The following MBD5 variants were observed in gnomAD, a reference collection of about 807,000 sequenced individuals.
MBD5 encodes methyl-CpG-binding domain protein 5.
In MBD5, 13 loss-of-function variants were observed where a neutral mutation model predicts 117.3. The observed-to-expected ratio is 0.11, with a 90% confidence interval of 0.07 to 0.18. MBD5 has a LOEUF of 0.18. Among genes scored for constraint, MBD5 ranks in the 10% least tolerant of loss-of-function variants. The probability of loss-of-function intolerance (pLI) is 1.00; values close to 1 mark genes in which losing one functional copy is unlikely to be tolerated. For synonymous variants in MBD5, 727 were observed against 766.4 expected (o/e 0.95, Z 0.85); for missense variants, 1,879 against 2,093.8 (o/e 0.90, Z 2.00).
intron 2 of MBD5, among the ~76,000 whole-genome samples, chr2:148,228,358 A>G (rs1034079997): frequency 6.6e-6 from 1 of 152,134 alleles, no homozygotes. Context: ...TTCTGCATCT[A>G]TTGAGATAAT....
intron 2 of MBD5, among the ~76,000 whole-genome samples, chr2:148,210,441 T>C (rs1246713722): frequency 6.6e-6 from 1 of 152,128 alleles, no homozygotes; most frequent in Non-Finnish European, 1.5e-5. Context: ...CATATTTTGC[T>C]AAATTACACA....
intron 11 of MBD5, among the ~76,000 whole-genome samples, chr2:148,496,154 C>G (rs1367248490): frequency 1.3e-5 from 2 of 152,128 alleles, no homozygotes. Flanking sequence ...TTCTCTCTAC[C>G]ATAGCATCCA....
chr2:148,478,590 G>A (rs751558876), intron 8 of MBD5, among the ~76,000 whole-genome samples: 1 of 152,004 alleles, frequency 6.6e-6, no homozygotes, highest in Non-Finnish European at 1.5e-5. Flanking sequence ...GTCCTACTGG[G>A]CAAGCTACCA....
chr2:148,400,090 A>T (rs539938492), intron 4 of MBD5, among the ~76,000 whole-genome samples: 2 of 152,208 alleles, frequency 1.3e-5, no homozygotes, highest in Non-Finnish European at 2.9e-5. Context: ...GTCGATGTTC[A>T]TCAGGGATAT....
At chr2:148,312,811 G>T (rs1702064842) in intron 3 of MBD5, among the ~76,000 whole-genome samples, 1 of 152,060 alleles carries the variant, frequency 6.6e-6, no homozygotes, top group Admixed American at 6.5e-5. Context: ...CTTTGATGTT[G>T]GTGACCTTCA....
chr2:148,391,283 G>T lies in MBD5; in HGVS notation c.-557+48947G>T, dbSNP rs200486466. Reference sequence around the variant, plus strand: ...ACAGTGTTAAAGAACAGTATTTACTGGGAAAATATACAGCTAAATATAGTT... The same window carrying T: ...ACAGTGTTAAAGAACAGTATTTACTTGGAAAATATACAGCTAAATATAGTT... On this transcript the variant is annotated intron_variant, in intron 4 of 13. Coordinates refer to ENST00000642680, the MANE Select transcript of MBD5 (RefSeq NM_001378120.1). Among the ~76,000 whole-genome samples the T allele has an allele frequency of 1.1e-4, 4 of 36,278 alleles. No homozygotes were observed. The South Asian group carries it at 5.2e-3, about 47-fold the overall frequency. The allele number at this position is 36,278 out of a possible 152,430, so 23.8% of individuals were successfully genotyped here.
intron 2 of MBD5, among the ~76,000 whole-genome samples, chr2:148,195,862 A>G (rs1047728870): frequency 6.6e-6 from 1 of 152,352 alleles, no homozygotes; most frequent in African/African-American, 2.4e-5. Flanking sequence ...AAACCACAAC[A>G]TAAAATGTAA....
intron 1 of MBD5, among the ~76,000 whole-genome samples, chr2:148,172,945 C>T (rs765955160): frequency 8.5e-5 from 13 of 152,112 alleles, no homozygotes; most frequent in Admixed American, 5.9e-4. Flanking sequence ...GACCTGCCTG[C>T]GGAAAAGAGC....
intron 2 of MBD5, among the ~76,000 whole-genome samples, chr2:148,227,855 T>C (rs1201410983): frequency 1.3e-5 from 2 of 152,202 alleles, no homozygotes; most frequent in Non-Finnish European, 2.9e-5. Flanking sequence ...GATTCCTAGG[T>C]ATTTTATTCT....
chr2:148,042,655 A>T (rs918094505), intron 1 of MBD5, among the ~76,000 whole-genome samples: 2 of 152,188 alleles, frequency 1.3e-5, no homozygotes, highest in African/African-American at 4.8e-5. Context: ...GACCAAAAAA[A>T]CTACAAATAA....
At chr2:148,157,300 C>G (rs1426692534) in intron 1 of MBD5, among the ~76,000 whole-genome samples, 5 of 151,824 alleles carry the variant, frequency 3.3e-5, no homozygotes, top group African/African-American at 1.2e-4. Context: ...CCCCCACCCC[C>G]AAACAGGCCC....
intron 1 of MBD5, among the ~76,000 whole-genome samples, chr2:148,057,949 T>G (rs1431392814): frequency 6.6e-6 from 1 of 152,034 alleles, no homozygotes; most frequent in Non-Finnish European, 1.5e-5. Flanking sequence ...TGGTTCAAGT[T>G]TATTGATTTT....
intron 3 of MBD5, among the ~76,000 whole-genome samples, chr2:148,322,245 C>G (rs140049118): frequency 6.6e-4 from 100 of 152,300 alleles, no homozygotes; most frequent in African/African-American, 2.1e-3. Flanking sequence ...TGTAAATTGG[C>G]TTATACAACT....
chr2:148,422,630 C>G (rs185724819), intron 4 of MBD5, among the ~76,000 whole-genome samples: 1 of 152,228 alleles, frequency 6.6e-6, no homozygotes, highest in Non-Finnish European at 1.5e-5. Flanking sequence ...TAATAACAAA[C>G]CCCTCTGAGC....
At chr2:148,294,343 G>A (rs1488759234) in intron 3 of MBD5, among the ~76,000 whole-genome samples, 4 of 149,762 alleles carry the variant, frequency 2.7e-5, no homozygotes, top group African/African-American at 9.9e-5. Flanking sequence ...TCCTGCCTCA[G>A]CCTCCCGAGT....
intron 4 of MBD5, among the ~76,000 whole-genome samples, chr2:148,377,553 A>G (rs1474486962): frequency 3.9e-5 from 6 of 152,354 alleles, no homozygotes; most frequent in African/African-American, 9.6e-5. Context: ...GATGCCTTGT[A>G]TAACTATTAC....
rs373581742 is a variant in MBD5, at chr2:148,277,758, ACT to A, written c.-680+44366_-680+44367del. ...GTCCTCTTTCTTCTTTCTTATATTT[ACT>A]CTTATTTCTTTTCTCACTTATTTGA... is the stretch of plus-strand genomic sequence containing the variant. On this transcript the variant is annotated intron_variant, in intron 3 of 13. Transcript: ENST00000642680. Among the ~76,000 whole-genome samples the A allele has an allele frequency of 4.5e-3, 682 of 151,400 alleles. 9 individuals carry two copies. Among genetic ancestry groups the A allele is most frequent in the African/African-American group, 0.016 (657 of 41,240 alleles).
At chr2:148,445,313 T>A (rs1188195469) in intron 4 of MBD5, among the ~76,000 whole-genome samples, 2 of 147,572 alleles carry the variant, frequency 1.4e-5, no homozygotes, top group East Asian at 2.0e-4. Context: ...CAGGCCCCAG[T>A]GTGTGATGTT....
intron 3 of MBD5, among the ~76,000 whole-genome samples, chr2:148,336,285 C>T (rs1444945680): frequency 1.3e-5 from 2 of 152,180 alleles, no homozygotes; most frequent in Non-Finnish European, 2.9e-5. Context: ...AACATTTCCA[C>T]AGATAAATTT....
Sources: allele counts gnomAD v4.1 joint callset (sites outside exome capture counted in the v4.1 genomes callset), GRCh38; gene constraint gnomAD v4.1.1; transcripts MANE v1.5; gene names NCBI Gene and HGNC (gene_info 2026-07-23, HGNC 2026-07-21).